The following ZNF385D variants were observed in gnomAD, a reference collection of about 807,000 sequenced individuals.
ZNF385D encodes the protein zinc finger protein 659.
In ZNF385D, 15 loss-of-function variants were observed where a neutral mutation model predicts 35.8. That is an observed-to-expected ratio of 0.42 (90% CI 0.28 to 0.64). The LOEUF is 0.64. Ranked by LOEUF, ZNF385D falls within the 30% of genes least tolerant of loss-of-function variation. The probability of loss-of-function intolerance (pLI) is 0.23; values close to 1 mark genes in which losing one functional copy is unlikely to be tolerated. For missense variants in ZNF385D, 474 were observed against 494.6 expected, an observed-to-expected ratio of 0.96 and a Z score of 0.39; for synonymous variants, 212 against 186.8, an observed-to-expected ratio of 1.13 and a Z score of -1.10.
chr3:22,026,275 A>G (rs1399399978), intron 3 of ZNF385D, among the ~76,000 whole-genome samples: 1 of 152,120 alleles, frequency 6.6e-6, no homozygotes, highest in Non-Finnish European at 1.5e-5. Context: ...CAGATCCTAA[A>G]CCCCTTGAAT....
chr3:21,689,775 A>G (rs2067222381), intron 1 of ZNF385D, among the ~76,000 whole-genome samples: 1 of 152,092 alleles, frequency 6.6e-6, no homozygotes, highest in South Asian at 2.1e-4. Flanking sequence ...TTTCATTTCT[A>G]AGAATTGCCC....
At chr3:21,875,836 A>G (rs1697936247) in intron 3 of ZNF385D, among the ~76,000 whole-genome samples, 1 of 150,718 alleles carries the variant, frequency 6.6e-6, no homozygotes, top group Non-Finnish European at 1.5e-5. Context: ...CTACTCAAAG[A>G]GTAGATCTGG....
intron 2 of ZNF385D, among the ~76,000 whole-genome samples, chr3:22,332,377 C>G (rs1694978802): frequency 6.6e-6 from 1 of 151,958 alleles, no homozygotes; most frequent in Non-Finnish European, 1.5e-5. Context: ...GAATATTAGC[C>G]TGAAGATTCA....
intron 3 of ZNF385D, among the ~76,000 whole-genome samples, chr3:22,155,206 A>C (rs2125727962): frequency 6.6e-6 from 1 of 152,234 alleles, no homozygotes; most frequent in East Asian, 1.9e-4. Context: ...AAAAATAAAT[A>C]AAAAGATCTA....
intron 2 of ZNF385D, among the ~76,000 whole-genome samples, chr3:21,607,050 T>G (rs994637760): frequency 6.6e-6 from 1 of 152,206 alleles, no homozygotes; most frequent in African/African-American, 2.4e-5. Flanking sequence ...TCTGAGGCAC[T>G]TACAGAGTAG....
At chr3:22,348,485 T>TAAAAAAAAAAAAAAAAAAAAAAA (rs1168729541) in intron 2 of ZNF385D, among the ~76,000 whole-genome samples, 36 of 84,862 alleles carry the variant, frequency 4.2e-4, no homozygotes, top group Non-Finnish European at 5.6e-4. Context: ...CCATCTCTAC[T>TAAAAAAAAAAAAAAAAAAAAAAA]AAAAAAAAAA....
At chr3:22,343,785 C>A (rs1296857308) in intron 2 of ZNF385D, among the ~76,000 whole-genome samples, 3 of 151,950 alleles carry the variant, frequency 2.0e-5, no homozygotes, top group South Asian at 4.1e-4. Context: ...CTATTTTTTT[C>A]TTTTTATCAG....
intron 2 of ZNF385D, among the ~76,000 whole-genome samples, chr3:22,230,977 C>T (rs768353298): frequency 3.3e-5 from 5 of 152,052 alleles, no homozygotes; most frequent in Non-Finnish European, 4.4e-5. Flanking sequence ...CCCAGACTTC[C>T]CAGAAGGGCA....
chr3:22,063,617 A>G (rs1041206538), intron 3 of ZNF385D, among the ~76,000 whole-genome samples: 2 of 152,188 alleles, frequency 1.3e-5, no homozygotes, highest in African/African-American at 4.8e-5. Context: ...TTTGTAGAGG[A>G]TGCTGTGCTC....
At chr3:22,011,870 A>C (rs998747095) in intron 3 of ZNF385D, among the ~76,000 whole-genome samples, 4 of 152,142 alleles carry the variant, frequency 2.6e-5, no homozygotes, top group Admixed American at 1.3e-4. Flanking sequence ...TCATGCTACT[A>C]TTCTACATAC....
At chr3:21,668,252 T>C (rs1024505706) in intron 1 of ZNF385D, among the ~76,000 whole-genome samples, 1 of 151,912 alleles carries the variant, frequency 6.6e-6, no homozygotes, top group Non-Finnish European at 1.5e-5. Context: ...AGTGGAGGAG[T>C]TGATAGCCCC....
chr3:21,753,772 T>G (rs893999874), upstream of ZNF385D, among the ~76,000 whole-genome samples: 85 of 108,940 alleles, frequency 7.8e-4, 1 homozygote, highest in South Asian at 0.027. Flanking sequence ...TGGTGGTTGT[T>G]GTTGTTGTTG....
intron 2 of ZNF385D, among the ~76,000 whole-genome samples, chr3:22,314,089 G>C (rs1703748111): frequency 6.6e-6 from 1 of 152,032 alleles, no homozygotes; most frequent in Admixed American, 6.6e-5. Flanking sequence ...TTCCCCTAAA[G>C]ACACTTTACT....
At chr3:21,472,590 A>G (rs1703972781) in intron 4 of ZNF385D, among the ~76,000 whole-genome samples, 1 of 152,200 alleles carries the variant, frequency 6.6e-6, no homozygotes, top group Admixed American at 6.6e-5. Flanking sequence ...TTCCACCTGC[A>G]GCAAACTGCA....
intron 2 of ZNF385D, among the ~76,000 whole-genome samples, chr3:22,173,071 C>G (rs1437775707): frequency 6.6e-6 from 1 of 152,176 alleles, no homozygotes; most frequent in Non-Finnish European, 1.5e-5. Context: ...TGGTATTTCA[C>G]CTCTGTGATC....
At chr3:21,774,819 T>A (rs1313554198) in intron 3 of ZNF385D, among the ~76,000 whole-genome samples, 2 of 151,876 alleles carry the variant, frequency 1.3e-5, no homozygotes, top group Admixed American at 1.3e-4. Context: ...GGGGAAAAGT[T>A]AACAAATTTG....
intron 3 of ZNF385D, among the ~76,000 whole-genome samples, chr3:21,829,900 G>T (rs1312105709): frequency 6.6e-6 from 1 of 152,034 alleles, no homozygotes; most frequent in African/African-American, 2.4e-5. Flanking sequence ...GAGGCAGGAG[G>T]ATCACTTGAA....
intron 2 of ZNF385D, among the ~76,000 whole-genome samples, chr3:21,610,035 G>A (rs2064619672): frequency 6.6e-6 from 1 of 151,746 alleles, no homozygotes; most frequent in Non-Finnish European, 1.5e-5. Context: ...AAAACAGCGT[G>A]TTTAATAAGC....
intron 3 of ZNF385D, among the ~76,000 whole-genome samples, chr3:22,060,498 C>A (rs1024994688): frequency 3.9e-5 from 6 of 152,102 alleles, no homozygotes; most frequent in African/African-American, 1.4e-4. Flanking sequence ...TGAAATTAAA[C>A]CATTACTTTG....
Sources: gnomAD v4.1 joint callset for allele counts (sites outside exome capture counted in the v4.1 genomes callset) on GRCh38, gnomAD v4.1.1 for gene constraint, MANE v1.5 for transcripts, NCBI Gene and HGNC (gene_info 2026-07-23, HGNC 2026-07-21) for gene names.